Variants in CAMK4 observed in about 807,000 individuals in gnomAD.
CAMK4 encodes the protein calcium/calmodulin-dependent protein kinase type IV.
Under a neutral mutation model 44.9 loss-of-function variants are expected in CAMK4, and 22 were observed. That is an observed-to-expected ratio of 0.49 (90% CI 0.35 to 0.70). CAMK4 has a LOEUF of 0.70. Among genes scored for constraint, CAMK4 ranks in the 30% least tolerant of loss-of-function variants. CAMK4 has a pLI of 0.01. For synonymous variants in CAMK4, 218 were observed against 215.4 expected (o/e 1.01, Z -0.11); for missense variants, 498 against 586.8 (o/e 0.85, Z 1.56).
chr5:111,380,228 T>C (rs1235182977), intron 4 of CAMK4, among the ~76,000 whole-genome samples: 2 of 152,178 alleles, frequency 1.3e-5, no homozygotes, highest in Non-Finnish European at 2.9e-5. Flanking sequence ...AAAAGTATTT[T>C]TTCTTGATTT....
intron 4 of CAMK4, among the ~76,000 whole-genome samples, chr5:111,384,467 C>G (rs752159151): frequency 4.6e-5 from 7 of 152,206 alleles, no homozygotes; most frequent in Non-Finnish European, 8.8e-5. Context: ...TTGAGCCACA[C>G]TGGTGGCTAC....
intron 8 of CAMK4, among the ~76,000 whole-genome samples, chr5:111,475,930 G>A (rs937483518): frequency 6.2e-4 from 95 of 152,166 alleles, no homozygotes; most frequent in Non-Finnish European, 1.2e-3. Flanking sequence ...GACAGACACA[G>A]TAGAGTAGAG....
Position 111,224,395 on chromosome 5 carries a change from C to T in CAMK4, c.-89C>T, listed in dbSNP as rs369076960. ...GAAGGACGCCGCCTCTCTCTCGCTC[C>T]TGCGTTCGCAGGCGGCGGCTGGCGG... On this transcript the variant is annotated 5_prime_UTR_variant, in exon 1 of 11. Transcript: ENST00000282356. The surrounding 1 kb of genome is among the most constrained non-coding windows in gnomAD (Gnocchi z 5.7). The T allele has an allele frequency of 1.2e-5, 18 of 1,461,910 alleles. No homozygotes were observed. The highest frequency in any genetic ancestry group is 2.5e-4 in the Middle Eastern group (1 of 4,054). 90.6% of individuals were successfully genotyped at this position (1,461,910 alleles called of 1,614,324 possible).
chr5:111,286,007 A>G (rs1751224935), intron 1 of CAMK4, among the ~76,000 whole-genome samples: 1 of 152,226 alleles, frequency 6.6e-6, no homozygotes, highest in Non-Finnish European at 1.5e-5. Context: ...TAAATGGGAC[A>G]TTAGCCAGAG....
intron 5 of CAMK4, among the ~76,000 whole-genome samples, chr5:111,440,807 A>G (rs1411513189): frequency 6.6e-6 from 1 of 152,214 alleles, no homozygotes; most frequent in African/African-American, 2.4e-5. Context: ...TGATCAAAGT[A>G]TCCTTTGAAA....
chr5:111,268,463 C>T (rs972957237), intron 1 of CAMK4, among the ~76,000 whole-genome samples: 1 of 152,096 alleles, frequency 6.6e-6, no homozygotes, highest in Non-Finnish European at 1.5e-5. Context: ...TTGGCAAGCC[C>T]CTTGAATTTC....
intron 2 of CAMK4, among the ~76,000 whole-genome samples, chr5:111,348,842 CT>C (rs1473395690): frequency 6.6e-6 from 1 of 151,998 alleles, no homozygotes; most frequent in East Asian, 1.9e-4. Flanking sequence ...TTTCTTCTGG[CT>C]ATTCAGAAAG....
At chr5:111,346,263 AC>A (rs1482514747) in intron 2 of CAMK4, among the ~76,000 whole-genome samples, 13 of 152,060 alleles carry the variant, frequency 8.5e-5, no homozygotes, top group African/African-American at 1.9e-4. Flanking sequence ...AGGAAAAAAA[AC>A]AAAAGGGTTC....
At chr5:111,419,077 T>C (rs1752923907) in intron 5 of CAMK4, among the ~76,000 whole-genome samples, 1 of 152,186 alleles carries the variant, frequency 6.6e-6, no homozygotes, top group Admixed American at 6.5e-5. Context: ...AAAATGTTCC[T>C]ATTTCTCCAC....
At chr5:111,358,507 A>G (rs142360353) in intron 2 of CAMK4, among the ~76,000 whole-genome samples, 3 of 151,908 alleles carry the variant, frequency 2.0e-5, no homozygotes, top group African/African-American at 7.2e-5. Context: ...AACACATTAG[A>G]TGGATGTTTT....
intron 8 of CAMK4, among the ~76,000 whole-genome samples, chr5:111,476,271 T>TTGTG (rs59191685): frequency 0.015 from 1,877 of 127,322 alleles, 18 homozygotes; most frequent in African/African-American, 0.033. Flanking sequence ...GTGTGTGTGT[T>TTGTG]TGTGTGTGTG....
At chr5:111,279,525 C>A (rs1035847416) in intron 1 of CAMK4, among the ~76,000 whole-genome samples, 2 of 151,254 alleles carry the variant, frequency 1.3e-5, no homozygotes, top group Non-Finnish European at 3.0e-5. Flanking sequence ...TGATCTTTTT[C>A]CTTCATATGA....
chr5:111,466,505 G>A (rs1174528829), intron 7 of CAMK4, among the ~76,000 whole-genome samples: 2 of 152,082 alleles, frequency 1.3e-5, no homozygotes, highest in Admixed American at 6.6e-5. Flanking sequence ...CAAAATTTCA[G>A]GATACAAAAT....
chr5:111,337,506 CT>C lies in CAMK4; in HGVS notation c.162-6503del, dbSNP rs34136669. ...TCAGTTGCTTTGCATCCTTGCCAGC[CT>C]TTTTTTTTTTTTTTAGGTCATTCAA... On this transcript the variant is annotated intron_variant, in intron 1 of 10. Transcript: ENST00000282356. Among the ~76,000 whole-genome samples the C allele has an allele frequency of 9.4e-3, 1,230 of 130,938 alleles. 7 individuals carry two copies. Among genetic ancestry groups the C allele is most frequent in the South Asian group, 0.049 (203 of 4,104 alleles). The allele number at this position is 130,938 out of a possible 152,430, so 85.9% of individuals were successfully genotyped here. A position where few individuals can be genotyped will look rare whatever the true frequency, so the allele number is the denominator to read the frequency against.
At chr5:111,369,256 G>T (rs1360856000) in intron 2 of CAMK4, among the ~76,000 whole-genome samples, 1 of 151,786 alleles carries the variant, frequency 6.6e-6, no homozygotes, top group Non-Finnish European at 1.5e-5. Context: ...ATAAAGACAG[G>T]GTTTCACCAT....
intron 1 of CAMK4, among the ~76,000 whole-genome samples, chr5:111,286,948 G>A (rs1751260568): frequency 1.3e-5 from 2 of 152,078 alleles, no homozygotes; most frequent in Non-Finnish European, 2.9e-5. Flanking sequence ...TTGTAGGTTT[G>A]CTTCTGTCTC....
At chr5:111,314,849 T>C (rs1748354342) in intron 1 of CAMK4, among the ~76,000 whole-genome samples, 1 of 152,082 alleles carries the variant, frequency 6.6e-6, no homozygotes, top group African/African-American at 2.4e-5. Flanking sequence ...CAGAAACAAC[T>C]ACAAAGGCTT....
At position 111,290,788 on chromosome 5, in the gene CAMK4, G is replaced by C. The variant is rs184274279; in HGVS notation, c.162-53236G>C. Among the ~76,000 whole-genome samples, 1 of 152,264 alleles carries C rather than the reference G, an allele frequency of 6.6e-6. No homozygotes were observed. The highest frequency in any genetic ancestry group is 2.4e-5 in the African/African-American group (1 of 41,548). Reference sequence around the variant, plus strand: ...GGCAGGCATGAGGTAAGGTGTCAAGGGTCCCCTACTAATACCTGGGGAGTA... The same window carrying C: ...GGCAGGCATGAGGTAAGGTGTCAAGCGTCCCCTACTAATACCTGGGGAGTA... On this transcript the variant is annotated intron_variant, in intron 1 of 10. Coordinates refer to ENST00000282356, the MANE Select transcript of CAMK4 (RefSeq NM_001744.6). The surrounding 1 kb of genome is among the most constrained non-coding windows in gnomAD (Gnocchi z 4.5).
intron 5 of CAMK4, among the ~76,000 whole-genome samples, chr5:111,408,414 G>C (rs1001256183): frequency 6.6e-6 from 1 of 152,174 alleles, no homozygotes; most frequent in Admixed American, 6.5e-5. Flanking sequence ...ATCGGATCTT[G>C]TGAGACTTAT....
Sources: gnomAD v4.1 joint callset for allele counts (sites outside exome capture counted in the v4.1 genomes callset) on GRCh38, gnomAD v4.1.1 for gene constraint, Gnocchi (gnomAD v3.1) non-coding constraint, MANE v1.5 for transcripts, NCBI Gene and HGNC (gene_info 2026-07-23, HGNC 2026-07-21) for gene names.